The following PHF24 variants were observed in gnomAD, a reference collection of about 807,000 sequenced individuals.
PHF24 encodes PHD finger protein 24, also known as Galpha inhibitory interacting protein.
Under a neutral mutation model 42.6 loss-of-function variants are expected in PHF24, and 25 were observed. The ratio of observed to expected loss-of-function variants is 0.59; its 90% CI spans 0.43 to 0.82. PHF24 has a LOEUF of 0.82. PHF24 is among the 40% of genes least tolerant of loss of function. The probability of loss-of-function intolerance (pLI) is 0.00; values close to 1 mark genes in which losing one functional copy is unlikely to be tolerated. For missense variants in PHF24, 470 were observed against 538.1 expected, an observed-to-expected ratio of 0.87 and a Z score of 1.25; for synonymous variants, 185 against 204.8, an observed-to-expected ratio of 0.90 and a Z score of 0.83.
the PHF24 span, chr9:34,837,122 C>T: frequency 4.2e-6 from 2 of 471,120 alleles, no homozygotes; most frequent in Non-Finnish European, 8.8e-6. Context: ...GAGAAAGTCT[C>T]CTAGCTGAGG....
At chr9:34,800,132 T>A in the PHF24 span, among the ~76,000 whole-genome samples, 18 of 152,212 alleles carry the variant, frequency 1.2e-4, no homozygotes, top group East Asian at 2.7e-3. Flanking sequence ...TATAATTTTA[T>A]ACAAATTAAA....
chr9:34,924,943 T>C, the PHF24 span, among the ~76,000 whole-genome samples: 1 of 152,226 alleles, frequency 6.6e-6, no homozygotes. Context: ...ATATTGGCTC[T>C]ACCTGTGAGT....
At chr9:34,812,514 A>G in the PHF24 span, among the ~76,000 whole-genome samples, 18 of 152,328 alleles carry the variant, frequency 1.2e-4, no homozygotes, top group South Asian at 3.7e-3. Flanking sequence ...CTCTTCCCTG[A>G]TGTCAAAGAA....
the PHF24 span, among the ~76,000 whole-genome samples, chr9:34,742,130 T>C: frequency 6.6e-6 from 1 of 152,334 alleles, no homozygotes; most frequent in African/African-American, 2.4e-5. Flanking sequence ...AACATCTGTA[T>C]CTGTATTAGA....
chr9:34,976,800 C>T (rs769353501), intron 5 of PHF24, 60 bp downstream of exon 5: 72 of 1,467,158 alleles, frequency 4.9e-5, no homozygotes, highest in East Asian at 1.6e-4. Flanking sequence ...CTGGGAGGCA[C>T]GCTGGGCAGA....
At chr9:34,796,430 A>AC in the PHF24 span, among the ~76,000 whole-genome samples, 1 of 152,184 alleles carries the variant, frequency 6.6e-6, no homozygotes, top group East Asian at 1.9e-4. Flanking sequence ...TTTAAAAAAA[A>AC]ACAAGATATT....
the PHF24 span, among the ~76,000 whole-genome samples, chr9:34,931,646 G>A: frequency 7.9e-5 from 12 of 152,106 alleles, no homozygotes; most frequent in South Asian, 2.1e-4. Context: ...CGGTCCTGCT[G>A]CGCAAGTGCT....
At chr9:34,803,715 A>G in the PHF24 span, among the ~76,000 whole-genome samples, 1 of 152,176 alleles carries the variant, frequency 6.6e-6, no homozygotes, top group African/African-American at 2.4e-5. Context: ...CAACTGGAAT[A>G]GGCATGTTTT....
At chr9:34,871,160 CTTG>C in the PHF24 span, among the ~76,000 whole-genome samples, 13 of 152,120 alleles carry the variant, frequency 8.5e-5, no homozygotes, top group African/African-American at 1.4e-4. Flanking sequence ...GTAATCTTGT[CTTG>C]TTGTTTTAAT....
At chr9:34,697,137 C>T in the PHF24 span, among the ~76,000 whole-genome samples, 1 of 152,154 alleles carries the variant, frequency 6.6e-6, no homozygotes, top group East Asian at 1.9e-4. Flanking sequence ...TGGGTTGATT[C>T]CTGGAAGCCT....
chr9:34,905,495 A>G, the PHF24 span, among the ~76,000 whole-genome samples: 1 of 152,272 alleles, frequency 6.6e-6, no homozygotes, highest in African/African-American at 2.4e-5. Flanking sequence ...ATAGGTATCT[A>G]TACAATAATA....
chr9:34,879,047 G>T, the PHF24 span, among the ~76,000 whole-genome samples: 1 of 152,150 alleles, frequency 6.6e-6, no homozygotes, highest in Non-Finnish European at 1.5e-5. Context: ...TTGCCATTCT[G>T]CAATATTTGC....
rs896916336 is a variant in PHF24, at chr9:34,958,906, G to C, written c.-5+505G>C. ...GGATCCTCCCATGGGATCCATGAGT[G>C]ACTTCCCACGGCTCCAAGGACTTTG... On this transcript the variant is annotated intron_variant, in intron 1 of 7. Coordinates refer to ENST00000242315, the Ensembl canonical transcript of PHF24. This position sits in a 1 kb window ranked among gnomAD's most constrained non-coding sequence, Gnocchi z 4.5. Among the ~76,000 whole-genome samples, 2 of 152,214 alleles carry C rather than the reference G, an allele frequency of 1.3e-5. No homozygotes were observed. The highest frequency in any genetic ancestry group is 4.8e-5 in the African/African-American group (2 of 41,466).
chr9:34,892,774 GA>G, the PHF24 span: 2 of 568,398 alleles, frequency 3.5e-6, no homozygotes, highest in Non-Finnish European at 6.3e-6. Context: ...ACACAGCTGG[GA>G]CTTGAGATCT....
the PHF24 span, among the ~76,000 whole-genome samples, chr9:34,883,744 G>A: frequency 6.6e-6 from 1 of 152,194 alleles, no homozygotes; most frequent in East Asian, 1.9e-4. Context: ...TGGAGAAATA[G>A]GAACACTTTT....
At chr9:34,732,258 A>T in the PHF24 span, among the ~76,000 whole-genome samples, 1 of 152,094 alleles carries the variant, frequency 6.6e-6, no homozygotes, top group South Asian at 2.1e-4. Context: ...CATCCTTGCC[A>T]GCATTCATTG....
At chr9:34,728,182 C>G in the PHF24 span, 1 of 1,102,500 alleles carries the variant, frequency 9.1e-7, no homozygotes, top group Non-Finnish European at 1.3e-6. Context: ...CAAGAAAAGA[C>G]TACAATCCTG....
At chr9:34,785,145 G>A in the PHF24 span, among the ~76,000 whole-genome samples, 1 of 152,190 alleles carries the variant, frequency 6.6e-6, no homozygotes, top group Non-Finnish European at 1.5e-5. Context: ...GGCAGGTTTG[G>A]TGTCTGTTTG....
intron 1 of PHF24, among the ~76,000 whole-genome samples, chr9:34,967,361 A>G (rs1000186454): frequency 2.0e-5 from 3 of 152,234 alleles, no homozygotes; most frequent in Non-Finnish European, 2.9e-5. Flanking sequence ...ATCAGGGAGC[A>G]TCACATGTAG....
Sources: gnomAD v4.1 joint callset for allele counts (sites outside exome capture counted in the v4.1 genomes callset) on GRCh38, gnomAD v4.1.1 for gene constraint, Gnocchi (gnomAD v3.1) non-coding constraint, MANE v1.5 for transcripts, NCBI Gene and HGNC (gene_info 2026-07-23, HGNC 2026-07-21) for gene names.